The following CADM2 variants were observed in gnomAD, a reference collection of about 807,000 sequenced individuals.
The protein encoded by CADM2 is cell adhesion molecule 2.
Under a neutral mutation model 49.8 loss-of-function variants are expected in CADM2, and 12 were observed. The ratio of observed to expected loss-of-function variants is 0.24; its 90% CI spans 0.15 to 0.39. The LOEUF (loss-of-function observed/expected upper bound fraction) is 0.39. Among genes scored for constraint, CADM2 ranks in the 10% least tolerant of loss-of-function variants. The probability of loss-of-function intolerance (pLI) is 1.00; values close to 1 mark genes in which losing one functional copy is unlikely to be tolerated. For synonymous variants in CADM2, 214 were observed against 175.4 expected, an observed-to-expected ratio of 1.22 and a Z score of -1.74; for missense variants, 378 against 492.3, an observed-to-expected ratio of 0.77 and a Z score of 2.20.
chr3:85,769,109 TGTATATATACACATATATACATATATA>T lies in CADM2; in HGVS notation c.89-32843_89-32817del, dbSNP rs1559643636. Among the ~76,000 whole-genome samples, 25 of 23,478 alleles carry T rather than the reference TGTATATATACACATATATACATATATA, an allele frequency of 1.1e-3. 1 individual carries two copies. The East Asian group carries it at 0.042, about 39-fold the overall frequency. 15.4% of individuals were successfully genotyped at this position (23,478 alleles called of 152,430 possible). A position where few individuals can be genotyped will look rare whatever the true frequency, so the allele number is the denominator to read the frequency against. On this transcript the variant is annotated intron_variant, in intron 2 of 9. Transcript: ENST00000383699. The stretch of plus-strand genomic sequence containing the variant: ...GTATATATACACATATATACATATA[TGTATATATACACATATATACATATATA>T]GTATATATACACATATATACATATA...
At chr3:85,955,481 A>G (rs1241300209) in intron 7 of CADM2, among the ~76,000 whole-genome samples, 3 of 151,420 alleles carry the variant, frequency 2.0e-5, no homozygotes, top group East Asian at 2.0e-4. Flanking sequence ...GGAAGCAAGA[A>G]CCTAAAAGAG....
At chr3:85,022,148 A>T (rs2034538637) in intron 1 of CADM2, among the ~76,000 whole-genome samples, 1 of 152,342 alleles carries the variant, frequency 6.6e-6, no homozygotes, top group South Asian at 2.1e-4. Context: ...ACATGAGAGC[A>T]TCTAGAACAG....
intron 1 of CADM2, among the ~76,000 whole-genome samples, chr3:84,963,631 A>T: frequency 6.6e-6 from 1 of 152,274 alleles, no homozygotes; most frequent in South Asian, 2.1e-4. Flanking sequence ...TTTAGTAAAA[A>T]TATAACACAA....
intron 6 of CADM2, among the ~76,000 whole-genome samples, chr3:85,926,237 G>A (rs1719853591): frequency 6.6e-6 from 1 of 151,870 alleles, no homozygotes; most frequent in African/African-American, 2.4e-5. Flanking sequence ...TGACATTTTG[G>A]GCAAGAGAAT....
At chr3:85,885,680 C>A (rs1428271919) in intron 4 of CADM2, among the ~76,000 whole-genome samples, 46 of 86,522 alleles carry the variant, frequency 5.3e-4, no homozygotes, top group Middle Eastern at 7.7e-3. Context: ...GACTCTATCT[C>A]AAAAAAAAAA....
intron 2 of CADM2, among the ~76,000 whole-genome samples, chr3:85,772,735 A>C (rs1262800407): frequency 6.6e-6 from 1 of 152,022 alleles, no homozygotes; most frequent in Admixed American, 6.6e-5. Context: ...AATGCCACTG[A>C]CAGTCAAGAA....
At chr3:85,518,749 C>T (rs1351163238) in intron 1 of CADM2, among the ~76,000 whole-genome samples, 1 of 152,004 alleles carries the variant, frequency 6.6e-6, no homozygotes, top group African/African-American at 2.4e-5. Context: ...TCATGGTCTC[C>T]CTCTTCCACA....
rs61327210 is a variant in CADM2 at position 85,044,306 on chromosome 3, C to CT, written c.61+84638_61+84639insT. Among the ~76,000 whole-genome samples, 12 of 80,488 alleles carry CT rather than the reference C, an allele frequency of 1.5e-4. No homozygotes were observed. In the African/African-American group the frequency reaches 1.6e-3, roughly 11 times the overall value. The allele number at this position is 80,488 out of a possible 152,430, so 52.8% of individuals were successfully genotyped here. A position where few individuals can be genotyped will look rare whatever the true frequency, so the allele number is the denominator to read the frequency against. On this transcript the variant is annotated intron_variant, in intron 1 of 9. Transcript: ENST00000383699. ...CTATTCAGTAGTAAAAGAAATTAAT[C>CT]CCCCTACCCCCCACCATAAAAAAAG...
At chr3:85,103,441 A>G (rs1202361519) in intron 1 of CADM2, among the ~76,000 whole-genome samples, 1 of 152,206 alleles carries the variant, frequency 6.6e-6, no homozygotes, top group Non-Finnish European at 1.5e-5. Context: ...GTAATTTATC[A>G]TGAGGGAGCA....
At chr3:85,111,984 T>C (rs531958899) in intron 1 of CADM2, among the ~76,000 whole-genome samples, 4 of 152,020 alleles carry the variant, frequency 2.6e-5, no homozygotes, top group African/African-American at 9.6e-5. Flanking sequence ...AGAGCACCTA[T>C]CTAAAAAATA....
intron 1 of CADM2, among the ~76,000 whole-genome samples, chr3:85,323,453 T>G (rs1397176045): frequency 6.6e-6 from 1 of 152,168 alleles, no homozygotes; most frequent in Non-Finnish European, 1.5e-5. Context: ...TGCTCTGTTA[T>G]TATGGTGTTC....
chr3:85,676,516 G>A (rs976089098), intron 1 of CADM2, among the ~76,000 whole-genome samples: 1 of 151,860 alleles, frequency 6.6e-6, no homozygotes, highest in Admixed American at 6.6e-5. Flanking sequence ...TTTGATTGTT[G>A]TAACATAGGA....
At chr3:85,049,588 G>A (rs1376824246) in intron 1 of CADM2, among the ~76,000 whole-genome samples, 8 of 151,740 alleles carry the variant, frequency 5.3e-5, no homozygotes, top group Non-Finnish European at 1.2e-4. Context: ...CTGACCTCGT[G>A]ATCTGCCCGC....
At chr3:85,390,982 T>C (rs1170345898) in intron 1 of CADM2, among the ~76,000 whole-genome samples, 1 of 152,072 alleles carries the variant, frequency 6.6e-6, no homozygotes, top group Non-Finnish European at 1.5e-5. Flanking sequence ...TAAATGCATA[T>C]ATTCCTAGGT....
At chr3:85,883,488 A>C in intron 4 of CADM2, 45 bp downstream of exon 4, 2 of 1,508,184 alleles carry the variant, frequency 1.3e-6, no homozygotes, top group Non-Finnish European at 1.8e-6. Context: ...AACCAGAATG[A>C]TATATATTGC....
intron 1 of CADM2, among the ~76,000 whole-genome samples, chr3:85,547,808 A>T (rs1167593246): frequency 1.3e-5 from 2 of 152,092 alleles, no homozygotes; most frequent in Non-Finnish European, 2.9e-5. Context: ...TTTGGAGGAA[A>T]ATTTAAAACT....
intron 1 of CADM2, among the ~76,000 whole-genome samples, chr3:85,533,587 A>G (rs1300702948): frequency 6.6e-6 from 1 of 152,228 alleles, no homozygotes; most frequent in Non-Finnish European, 1.5e-5. Context: ...TTCTCTTAAA[A>G]TAAATCATTT....
intron 1 of CADM2, among the ~76,000 whole-genome samples, chr3:85,058,738 C>T (rs79827107): frequency 0.049 from 7,455 of 152,070 alleles, 245 homozygotes; most frequent in East Asian, 0.14. Flanking sequence ...AGCCACCGCG[C>T]CCAGCTAAAA....
rs188189466 is a variant in CADM2 at position 85,694,515 on chromosome 3, C to T, written c.62-32007C>T. Among the ~76,000 whole-genome samples, 11 of 152,202 alleles carry T rather than the reference C, an allele frequency of 7.2e-5. No individual in the cohort carries two copies. In the East Asian group the frequency reaches 1.9e-3, roughly 27 times the overall value. The stretch of plus-strand genomic sequence containing the variant: ...AATAAATGTTTGCTTTTTAACCCAC[C>T]CAGTGTGTGGTATTTTGCTATGGCA... On this transcript the variant is annotated intron_variant, in intron 1 of 9. Coordinates refer to ENST00000383699, the MANE Select transcript of CADM2 (RefSeq NM_001167675.2).
Sources: allele counts gnomAD v4.1 joint callset (sites outside exome capture counted in the v4.1 genomes callset), GRCh38; gene constraint gnomAD v4.1.1; transcripts MANE v1.5; gene names NCBI Gene and HGNC (gene_info 2026-07-23, HGNC 2026-07-21).